Variants in SPAG16 observed in about 807,000 individuals in gnomAD.
SPAG16 encodes the protein sperm associated antigen 16.
SPAG16 carries 86 observed loss-of-function variants against 80.4 expected under a neutral mutation model. That is an observed-to-expected ratio of 1.07 (90% CI 0.90 to 1.28). The LOEUF is 1.28. SPAG16 is among the 50% of genes most tolerant of loss of function. The pLI is 0.00. For synonymous variants in SPAG16, 294 were observed against 265.9 expected (o/e 1.11, Z -1.03); for missense variants, 870 against 765.3 (o/e 1.14, Z -1.61).
At chr2:213,932,280 A>G (rs2078797931) in intron 12 of SPAG16, among the ~76,000 whole-genome samples, 1 of 150,284 alleles carries the variant, frequency 6.7e-6, no homozygotes, top group African/African-American at 2.5e-5. Flanking sequence ...GCACAATCTC[A>G]GCTCACTGCT....
At position 213,929,998 on chromosome 2, in the gene SPAG16, T is replaced by C. The variant is rs761119807; in HGVS notation, c.1253T>C (p.Val418Ala). The C allele has an allele frequency of 6.2e-7, 1 of 1,613,734 alleles. No individual in the cohort carries two copies. Among genetic ancestry groups the C allele is most frequent in the Admixed American group, 1.7e-5 (1 of 59,952 alleles). ...GCTACTTCAAGTGGTGACACTACAG[T>C]TAAATTATGGGATCTATGTAAAGGC... Reference protein sequence around the residue: ...KLATSSGDTTVKLWDLCKGDC... With the variant: ...KLATSSGDTTAKLWDLCKGDC... Residue 418 changes from valine to alanine, a missense_variant, in exon 12 of 16, where the codon GTT (valine) becomes GCT (alanine). Coordinates refer to ENST00000331683, the MANE Select transcript of SPAG16 (RefSeq NM_024532.5).
chr2:214,065,007 T>C (rs1399531390), intron 13 of SPAG16, among the ~76,000 whole-genome samples: 1 of 151,980 alleles, frequency 6.6e-6, no homozygotes, highest in Non-Finnish European at 1.5e-5. Context: ...GTAACTTGTA[T>C]TTCTACTGTG....
chr2:213,334,337 C>A (rs1183377845), intron 5 of SPAG16, among the ~76,000 whole-genome samples: 2 of 152,064 alleles, frequency 1.3e-5, no homozygotes, highest in East Asian at 1.9e-4. Context: ...GAAAAGGGAA[C>A]CCTTGTACGC....
intron 10 of SPAG16, among the ~76,000 whole-genome samples, chr2:213,857,086 C>A (rs1440219559): frequency 6.6e-6 from 1 of 152,052 alleles, no homozygotes; most frequent in Non-Finnish European, 1.5e-5. Flanking sequence ...AAAAACTAGC[C>A]AGGCATGGTG....
At chr2:213,640,914 AGTAGTATAG>A (rs1162152220) in intron 10 of SPAG16, among the ~76,000 whole-genome samples, 178 of 152,320 alleles carry the variant, frequency 1.2e-3, no homozygotes, top group African/African-American at 3.8e-3. Context: ...CACCAGCTGC[AGTAGTATAG>A]AGGGGATACA....
intron 13 of SPAG16, among the ~76,000 whole-genome samples, chr2:214,046,413 G>C (rs550866068): frequency 2.6e-5 from 4 of 152,124 alleles, no homozygotes; most frequent in Non-Finnish European, 5.9e-5. Context: ...GAAAGTACAA[G>C]TCAATGTCAC....
chr2:213,901,148 G>A (rs1421456733), intron 11 of SPAG16, among the ~76,000 whole-genome samples: 1 of 152,092 alleles, frequency 6.6e-6, no homozygotes, highest in African/African-American at 2.4e-5. Flanking sequence ...TAAAATGCAT[G>A]TAATATGCCT....
Position 214,126,094 on chromosome 2 carries a change from A to G in SPAG16, c.1593+17833A>G, listed in dbSNP as rs191609257. On this transcript the variant is annotated intron_variant, in intron 14 of 15. Coordinates refer to ENST00000331683, the MANE Select transcript of SPAG16 (RefSeq NM_024532.5). ...TTTTTTTTTTTTTTGGCGTTTCTGTATAGCATTTCTTTCACCTGGCAATGG... is the reference window on the plus strand; with the variant it reads ...TTTTTTTTTTTTTTGGCGTTTCTGTGTAGCATTTCTTTCACCTGGCAATGG... Among the ~76,000 whole-genome samples the G allele has an allele frequency of 8.2e-3, 689 of 84,082 alleles. 8 individuals are homozygous for G. Among genetic ancestry groups the G allele is most frequent in the Middle Eastern group, 0.023 (2 of 88 alleles). 55.2% of individuals were successfully genotyped at this position (84,082 alleles called of 152,430 possible). A position where few individuals can be genotyped will look rare whatever the true frequency, so the allele number is the denominator to read the frequency against.
intron 3 of SPAG16, among the ~76,000 whole-genome samples, chr2:213,300,252 T>A (rs1470465660): frequency 1.3e-5 from 2 of 152,134 alleles, no homozygotes; most frequent in Non-Finnish European, 1.5e-5. Context: ...TCCTCCTCTT[T>A]CTTCTCCCTT....
At chr2:214,220,204 T>A (rs2058532572) in intron 15 of SPAG16, among the ~76,000 whole-genome samples, 3 of 152,094 alleles carry the variant, frequency 2.0e-5, no homozygotes, top group Non-Finnish European at 4.4e-5. Context: ...TGTTAACACA[T>A]TTTTAGAAAG....
intron 10 of SPAG16, among the ~76,000 whole-genome samples, chr2:213,690,696 G>A (rs1317696375): frequency 6.6e-6 from 1 of 152,194 alleles, no homozygotes; most frequent in Non-Finnish European, 1.5e-5. Flanking sequence ...TAGGCAGCTT[G>A]TTGAGTCTTT....
chr2:214,186,420 A>C (rs564092572), intron 15 of SPAG16, among the ~76,000 whole-genome samples: 1 of 152,288 alleles, frequency 6.6e-6, no homozygotes, highest in East Asian at 1.9e-4. Flanking sequence ...GGAAGATGAA[A>C]GTCATTGGGG....
Position 214,286,532 on chromosome 2 carries a change from A to G in SPAG16, c.1721-123608A>G, listed in dbSNP as rs115081676. Among the ~76,000 whole-genome samples the G allele has an allele frequency of 5.0e-3, 759 of 152,288 alleles. 5 individuals carry two copies. The highest frequency in any genetic ancestry group is 0.017 in the African/African-American group (718 of 41,556). On this transcript the variant is annotated intron_variant, in intron 15 of 15. Coordinates refer to ENST00000331683, the MANE Select transcript of SPAG16 (RefSeq NM_024532.5). Reference sequence around the variant, plus strand: ...GAGGCTAAGGTGGGCATATCACTTGAAGCCAGGAGTTGGAGACCAGCCTGG... The same window carrying G: ...GAGGCTAAGGTGGGCATATCACTTGGAGCCAGGAGTTGGAGACCAGCCTGG...
In SPAG16 at chr2:214,138,524, A is replaced by G. The variant is rs184199662; in HGVS notation, c.1594-10616A>G. ...TTATCTCAAAATAGTCAATATACCAATTTGGCATATTTGAGGACCATACAT... is the reference window on the plus strand; with the variant it reads ...TTATCTCAAAATAGTCAATATACCAGTTTGGCATATTTGAGGACCATACAT... On this transcript the variant is annotated intron_variant, in intron 14 of 15. Coordinates refer to ENST00000331683, the MANE Select transcript of SPAG16 (RefSeq NM_024532.5). 1.1e-4 allele frequency among the ~76,000 whole-genome samples: 17 copies of G among 152,262 alleles called. No individual in the cohort carries two copies. The East Asian group carries it at 1.4e-3, about 12-fold the overall frequency.
At chr2:213,361,853 T>C (rs2065999005) in intron 7 of SPAG16, among the ~76,000 whole-genome samples, 1 of 149,082 alleles carries the variant, frequency 6.7e-6, no homozygotes, top group East Asian at 2.0e-4. Flanking sequence ...AATTCACTAC[T>C]TGTGGAACTG....
chr2:214,181,440 C>T (rs991327894), intron 15 of SPAG16, among the ~76,000 whole-genome samples: 5 of 151,736 alleles, frequency 3.3e-5, no homozygotes, highest in Non-Finnish European at 7.4e-5. Context: ...GAGCTTTAGA[C>T]GTAGCTTCCT....
chr2:213,654,044 A>G (rs533990164), intron 10 of SPAG16, among the ~76,000 whole-genome samples: 1 of 152,314 alleles, frequency 6.6e-6, no homozygotes, highest in Admixed American at 6.5e-5. Context: ...AAATTGATAG[A>G]CTACAGAGTT....
At chr2:214,216,489 T>C (rs1189697896) in intron 15 of SPAG16, among the ~76,000 whole-genome samples, 1 of 152,130 alleles carries the variant, frequency 6.6e-6, no homozygotes, top group Admixed American at 6.5e-5. Flanking sequence ...GCCCAGCTAA[T>C]TTTTTGTATT....
At chr2:213,892,652 A>T (rs2076829947) in intron 11 of SPAG16, among the ~76,000 whole-genome samples, 1 of 152,184 alleles carries the variant, frequency 6.6e-6, no homozygotes, top group South Asian at 2.1e-4. Context: ...GAGCTGAGAA[A>T]TACATAAGCT....
Sources: allele counts gnomAD v4.1 joint callset (sites outside exome capture counted in the v4.1 genomes callset), GRCh38; gene constraint gnomAD v4.1.1; transcripts MANE v1.5; gene names NCBI Gene and HGNC (gene_info 2026-07-23, HGNC 2026-07-21).